The following FAM171A1 variants were observed in gnomAD, a reference collection of about 807,000 sequenced individuals.
FAM171A1 encodes protein FAM171A1.
In FAM171A1, 23 loss-of-function variants were observed where a neutral mutation model predicts 74.9. The ratio of observed to expected loss-of-function variants is 0.31; its 90% CI spans 0.22 to 0.44. FAM171A1 has a LOEUF of 0.44. Ranked by LOEUF, FAM171A1 falls within the 20% of genes least tolerant of loss-of-function variation. The probability of loss-of-function intolerance (pLI) is 1.00; values close to 1 mark genes in which losing one functional copy is unlikely to be tolerated. For synonymous variants in FAM171A1, 527 were observed against 505.7 expected (o/e 1.04, Z -0.57); for missense variants, 1,162 against 1,159.2 (o/e 1.00, Z -0.03).
rs769547392 is a variant in FAM171A1 at position 15,309,271 on chromosome 10, C to T, written c.98-25166G>A. 3.9e-5 allele frequency among the ~76,000 whole-genome samples: 6 copies of T among 152,284 alleles called. No individual in the cohort carries two copies. The South Asian group carries it at 1.2e-3, about 32-fold the overall frequency. On this transcript the variant is annotated intron_variant, in intron 1 of 7. Coordinates refer to ENST00000378116, the MANE Select transcript of FAM171A1 (RefSeq NM_001010924.2). ...TTGCCCAGGCTGGAGTGCAGGGGCA[C>T]GATCATGGCTCACGCAGCCTCGGCC... is the stretch of plus-strand genomic sequence containing the variant.
intron 1 of FAM171A1, among the ~76,000 whole-genome samples, chr10:15,316,783 G>C (rs188120996): frequency 2.8e-4 from 42 of 152,296 alleles, no homozygotes; most frequent in African/African-American, 8.7e-4. Flanking sequence ...ATACAAGTGT[G>C]AATGGCCCCT....
intron 4 of FAM171A1, among the ~76,000 whole-genome samples, chr10:15,249,562 AT>A (rs1834482463): frequency 6.6e-6 from 1 of 152,242 alleles, no homozygotes; most frequent in South Asian, 2.1e-4. Flanking sequence ...GATAACCTTA[AT>A]AAAACCAAAT....
intron 1 of FAM171A1, among the ~76,000 whole-genome samples, chr10:15,353,730 G>C (rs1049949322): frequency 6.6e-6 from 1 of 152,146 alleles, no homozygotes; most frequent in Non-Finnish European, 1.5e-5. Flanking sequence ...CAGGGGAAGA[G>C]TACCAGGTGC....
chr10:15,313,428 T>C (rs748640373), intron 1 of FAM171A1, among the ~76,000 whole-genome samples: 2 of 152,344 alleles, frequency 1.3e-5, no homozygotes, highest in South Asian at 4.1e-4. Context: ...CTCGTGGTCT[T>C]AACTCTGGCA....
Position 15,254,765 on chromosome 10 carries a change from A to T in FAM171A1, c.533T>A (p.Val178Glu). 1 of 1,614,094 alleles carries T rather than the reference A, an allele frequency of 6.2e-7. No homozygotes were observed. The highest frequency in any genetic ancestry group is 8.5e-7 in the Non-Finnish European group (1 of 1,180,012). ...TCCTCGCAAATAAGGAAAACTGTCCACCTCCGAAGGGGAGCTGGCGGCCGT... is the reference window on the plus strand; with the variant it reads ...TCCTCGCAAATAAGGAAAACTGTCCTCCTCCGAAGGGGAGCTGGCGGCCGT... Reference protein sequence around the residue: ...FLTAASSPSEVDSFPYLRGLD... With the variant: ...FLTAASSPSEEDSFPYLRGLD... Residue 178 changes from valine (V) to glutamate (E), a missense_variant, in exon 4 of 8, where the codon GTG (valine) becomes GAG (glutamate). Val to Glu is a moderately radical substitution (Grantham distance 121, BLOSUM62 -2). Coordinates refer to ENST00000378116, the MANE Select transcript of FAM171A1 (RefSeq NM_001010924.2).
chr10:15,281,881 C>A (rs1057448263), intron 2 of FAM171A1, among the ~76,000 whole-genome samples: 1 of 152,182 alleles, frequency 6.6e-6, no homozygotes, highest in East Asian at 1.9e-4. Context: ...AATAAAAAAA[C>A]AGATATGATG....
chr10:15,294,167 C>A (rs1588538088), intron 1 of FAM171A1, among the ~76,000 whole-genome samples: 1 of 152,202 alleles, frequency 6.6e-6, no homozygotes, highest in East Asian at 1.9e-4. Flanking sequence ...CTGTGTGCTA[C>A]CCAAAAGCTG....
chr10:15,242,847 G>C (rs1444568329), intron 5 of FAM171A1, among the ~76,000 whole-genome samples: 1 of 152,080 alleles, frequency 6.6e-6, no homozygotes, highest in Non-Finnish European at 1.5e-5. Flanking sequence ...CCAATGTACT[G>C]TCATGGTTAT....
rs186557789 is a variant in FAM171A1, at chr10:15,313,637, G to A, written c.98-29532C>T. On this transcript the variant is annotated intron_variant, in intron 1 of 7. Transcript: ENST00000378116. ...GTAGGTTTGTAACTCGTGAGTTTTT[G>A]CAGATTTCCAAGTCTTTCATAAGAA... 1.4e-4 allele frequency among the ~76,000 whole-genome samples: 21 copies of A among 152,282 alleles called. No individual in the cohort carries two copies. The East Asian group carries it at 4.1e-3, about 29-fold the overall frequency.
At chr10:15,357,525 C>T (rs904975973) in intron 1 of FAM171A1, among the ~76,000 whole-genome samples, 3 of 152,186 alleles carry the variant, frequency 2.0e-5, no homozygotes, top group Non-Finnish European at 2.9e-5. Flanking sequence ...AAATATTTGG[C>T]ACCTTGATAG....
chr10:15,244,290 G>C (rs1303201486), intron 5 of FAM171A1, among the ~76,000 whole-genome samples: 1 of 152,210 alleles, frequency 6.6e-6, no homozygotes, highest in Non-Finnish European at 1.5e-5. Context: ...GGGAGGCGGA[G>C]GTTGTAGTGA....
In FAM171A1 at chr10:15,211,880, A is replaced by T. The variant is rs1263935346; in HGVS notation, c.*1035T>A. 6.6e-6 allele frequency: 1 copy of T among 152,604 alleles called. No homozygotes were observed. The highest frequency in any genetic ancestry group is 1.9e-4 in the East Asian group (1 of 5,202). 9.5% of individuals were successfully genotyped at this position (152,604 alleles called of 1,614,324 possible). ...AGAGTTAATACGTAACCGTATATAC[A>T]AACAGCCAAAAAACCATAATGGTGC... On this transcript the variant is annotated 3_prime_UTR_variant, in exon 8 of 8. Transcript: ENST00000378116.
intron 4 of FAM171A1, among the ~76,000 whole-genome samples, chr10:15,253,583 T>C (rs565685070): frequency 6.6e-6 from 1 of 152,326 alleles, no homozygotes; most frequent in East Asian, 1.9e-4. Flanking sequence ...ATTAATATGC[T>C]ACAAAATGGA....
At chr10:15,245,344 G>A (rs1248801310) in intron 5 of FAM171A1, among the ~76,000 whole-genome samples, 2 of 152,300 alleles carry the variant, frequency 1.3e-5, no homozygotes, top group East Asian at 3.9e-4. Flanking sequence ...TGGTATTACA[G>A]GCATGAGCCA....
intron 1 of FAM171A1, among the ~76,000 whole-genome samples, chr10:15,287,380 C>A (rs1247636341): frequency 6.6e-6 from 1 of 150,758 alleles, no homozygotes; most frequent in Non-Finnish European, 1.5e-5. Context: ...GTGTGACCCA[C>A]CGCGCCGGCC....
At chr10:15,297,883 G>C (rs1413497323) in intron 1 of FAM171A1, among the ~76,000 whole-genome samples, 1 of 152,170 alleles carries the variant, frequency 6.6e-6, no homozygotes, top group Non-Finnish European at 1.5e-5. Flanking sequence ...TGCTAGAAGA[G>C]CTACTATAAA....
chr10:15,256,149 C>T (rs1478945886), intron 3 of FAM171A1, among the ~76,000 whole-genome samples: 1 of 152,190 alleles, frequency 6.6e-6, no homozygotes, highest in East Asian at 1.9e-4. Flanking sequence ...CGGCCCCCTG[C>T]TGTCCTGCTT....
At chr10:15,367,242 A>G (rs559691717) in intron 1 of FAM171A1, among the ~76,000 whole-genome samples, 10 of 152,294 alleles carry the variant, frequency 6.6e-5, no homozygotes, top group African/African-American at 2.4e-4. Flanking sequence ...AAAAACTGAG[A>G]AAGTATTAAT....
At chr10:15,287,293 C>T (rs544424798) in intron 1 of FAM171A1, among the ~76,000 whole-genome samples, 12 of 151,610 alleles carry the variant, frequency 7.9e-5, no homozygotes, top group African/African-American at 1.7e-4. Context: ...AGGGTTTCAC[C>T]GTGTTAGCCA....
Sources: gnomAD v4.1 joint callset for allele counts (sites outside exome capture counted in the v4.1 genomes callset) on GRCh38, gnomAD v4.1.1 for gene constraint, MANE v1.5 for transcripts, NCBI Gene and HGNC (gene_info 2026-07-23, HGNC 2026-07-21) for gene names.